Variants in SMOC1 observed in about 807,000 individuals in gnomAD.
SMOC1 encodes SPARC-related modular calcium-binding protein 1.
Under a neutral mutation model 56.3 loss-of-function variants are expected in SMOC1, and 22 were observed. The ratio of observed to expected loss-of-function variants is 0.39; its 90% CI spans 0.28 to 0.56. The LOEUF (loss-of-function observed/expected upper bound fraction) is 0.56, where lower values mean the gene tolerates loss of function less well. SMOC1 is among the 20% of genes least tolerant of loss of function. SMOC1 has a pLI of 0.61. For synonymous variants in SMOC1, 193 were observed against 215.0 expected (o/e 0.90, Z 0.89); for missense variants, 509 against 565.4 (o/e 0.90, Z 1.01).
At chr14:69,943,781 C>T (rs12589490) in intron 1 of SMOC1, among the ~76,000 whole-genome samples, 1 of 152,206 alleles carries the variant, frequency 6.6e-6, no homozygotes, top group Non-Finnish European at 1.5e-5. Context: ...AGAAAAACAT[C>T]CCCTCTCTTG....
chr14:69,905,039 G>C (rs967099010), intron 1 of SMOC1, among the ~76,000 whole-genome samples: 3 of 152,168 alleles, frequency 2.0e-5, no homozygotes, highest in African/African-American at 7.2e-5. Context: ...TTTTCTGATA[G>C]CATTCCTTTC....
chr14:69,972,637 C>T (rs1377285126), intron 3 of SMOC1, among the ~76,000 whole-genome samples: 3 of 152,052 alleles, frequency 2.0e-5, no homozygotes, highest in Non-Finnish European at 4.4e-5. Flanking sequence ...GCCTCTGGGC[C>T]AGCCGGGAGC....
chr14:70,023,990 G>A (rs116685058), intron 11 of SMOC1, among the ~76,000 whole-genome samples: 298 of 152,250 alleles, frequency 2.0e-3, no homozygotes, highest in Middle Eastern at 6.8e-3. Context: ...CAACCAGATG[G>A]AGTAGACATG....
At chr14:70,017,490 C>T (rs917826225) in intron 10 of SMOC1, among the ~76,000 whole-genome samples, 5 of 152,176 alleles carry the variant, frequency 3.3e-5, no homozygotes, top group African/African-American at 9.7e-5. Flanking sequence ...TTAAGGAAGC[C>T]GCATCTGATC....
intron 10 of SMOC1, among the ~76,000 whole-genome samples, chr14:70,014,881 C>T (rs909958958): frequency 2.6e-5 from 4 of 152,234 alleles, no homozygotes; most frequent in African/African-American, 9.6e-5. Flanking sequence ...CCCAGCATAG[C>T]TCCCTCAGTG....
intron 1 of SMOC1, among the ~76,000 whole-genome samples, chr14:69,937,976 A>C (rs2139408303): frequency 6.6e-6 from 1 of 152,284 alleles, no homozygotes; most frequent in East Asian, 1.9e-4. Flanking sequence ...GCTCAGCTTC[A>C]TTCCCAGGGC....
At chr14:69,999,993 C>G (rs1884907683) in intron 7 of SMOC1, among the ~76,000 whole-genome samples, 1 of 152,150 alleles carries the variant, frequency 6.6e-6, no homozygotes, top group Non-Finnish European at 1.5e-5. Flanking sequence ...GATAGCAAAA[C>G]TACGTGCCCT....
rs76125835 is a variant in SMOC1, at chr14:69,961,927, A to G, written c.378+8395A>G. ...TCCTTGTCAACACTTGTTATTTTCCATCTTTCTTATTAGTATCTTTTCTAG... is the reference window on the plus strand; with the variant it reads ...TCCTTGTCAACACTTGTTATTTTCCGTCTTTCTTATTAGTATCTTTTCTAG... On this transcript the variant is annotated intron_variant, in intron 3 of 11. Coordinates refer to ENST00000361956, the MANE Select transcript of SMOC1 (RefSeq NM_001034852.3). Among the ~76,000 whole-genome samples the G allele has an allele frequency of 2.6e-3, 399 of 152,188 alleles. 2 individuals are homozygous for G. The highest frequency in any genetic ancestry group is 7.6e-3 in the African/African-American group (314 of 41,520).
At chr14:69,925,578 C>T (rs1314948887) in intron 1 of SMOC1, among the ~76,000 whole-genome samples, 3 of 152,146 alleles carry the variant, frequency 2.0e-5, no homozygotes, top group Non-Finnish European at 4.4e-5. Flanking sequence ...GTCCCGATCC[C>T]CTTAAATGTA....
At chr14:70,011,457 AACC>A (rs752619998) in intron 8 of SMOC1, 25 bp from the exon 9 acceptor site, 5 of 448,412 alleles carry the variant, frequency 1.1e-5, no homozygotes, top group Non-Finnish European at 1.7e-5. Context: ...AGCCCCTCCC[AACC>A]CCCCCCATAT....
In SMOC1 at chr14:70,013,456, G is replaced by T. The variant is rs1885405693; in HGVS notation, c.1011G>T (p.Gln337His). The T allele has an allele frequency of 3.1e-6, 5 of 1,614,104 alleles. No homozygotes were observed. Among genetic ancestry groups the T allele is most frequent in the Non-Finnish European group, 4.2e-6 (5 of 1,180,054 alleles). The change falls in exon 10 of 12, where the codon CAG becomes CAT. Residue 337 changes from glutamine to histidine, a missense_variant. By Grantham distance (24) the Gln-to-His change is conservative. This residue lies in a region of SMOC1 where 176 missense variants were observed against 188.1 expected (regional missense o/e 0.94). Transcript: ENST00000361956. ...ATGCTCTCACCACTGACATGGTTCA[G>T]GCCATTAACTCAGCAGCGCCCACTG... ...LLDALTTDMVQAINSAAPTGG... is the reference protein window; with the variant it reads ...LLDALTTDMVHAINSAAPTGG...
intron 1 of SMOC1, among the ~76,000 whole-genome samples, chr14:69,937,760 G>A (rs1429655109): frequency 1.3e-5 from 2 of 152,170 alleles, no homozygotes; most frequent in African/African-American, 4.8e-5. Context: ...TTGAGGGTAT[G>A]CACACATGCA....
Position 70,011,593 on chromosome 14 carries a change from C to A in SMOC1, c.940+26C>A. ...GTGGGAGACGATGCTGCCCTGCCGG[C>A]GCCATCACCTCCTTCTGTTCCTCCA... On this transcript the variant is annotated intron_variant, in intron 9 of 11. Coordinates refer to ENST00000361956, the MANE Select transcript of SMOC1 (RefSeq NM_001034852.3). 3 of 1,599,990 alleles carry A rather than the reference C, an allele frequency of 1.9e-6. No individual in the cohort carries two copies. The South Asian group carries it at 3.3e-5, about 18-fold the overall frequency.
rs575429387 is a variant in SMOC1, at chr14:69,945,906, C to T, written c.100-6232C>T. On this transcript the variant is annotated intron_variant, in intron 1 of 11. Transcript: ENST00000361956. ...CTTCTCTACACCCAGGAAAAATATA[C>T]GAGTATGCATATTACCAGAAAAATA... Among the ~76,000 whole-genome samples the T allele has an allele frequency of 1.5e-4, 23 of 152,240 alleles. No individual in the cohort carries two copies. The South Asian group carries it at 3.3e-3, about 22-fold the overall frequency.
At chr14:69,898,506 G>A (rs1030117770) in intron 1 of SMOC1, among the ~76,000 whole-genome samples, 1 of 149,348 alleles carries the variant, frequency 6.7e-6, no homozygotes, top group African/African-American at 2.5e-5. Flanking sequence ...TTTCAGTTTT[G>A]GAAGTTTCTA....
intron 1 of SMOC1, among the ~76,000 whole-genome samples, chr14:69,883,750 A>G (rs10138095): frequency 0.27 from 40,580 of 152,002 alleles, 5,594 homozygotes; most frequent in South Asian, 0.34. Context: ...CACCAACAGT[A>G]TGTGAGAACT....
At chr14:69,973,012 C>T (rs999130077) in intron 3 of SMOC1, among the ~76,000 whole-genome samples, 5 of 152,286 alleles carry the variant, frequency 3.3e-5, no homozygotes, top group East Asian at 1.9e-4. Flanking sequence ...AGTGAGTCAG[C>T]GTGGCCATTC....
At chr14:69,982,209 C>T (rs1311219734) in intron 5 of SMOC1, among the ~76,000 whole-genome samples, 1 of 152,158 alleles carries the variant, frequency 6.6e-6, no homozygotes, top group Non-Finnish European at 1.5e-5. Context: ...AATAAAAATA[C>T]TAATATACTC....
chr14:69,880,976 A>C (rs1426973903), intron 1 of SMOC1, among the ~76,000 whole-genome samples: 2 of 152,254 alleles, frequency 1.3e-5, no homozygotes, highest in East Asian at 3.8e-4. Context: ...CCCAGGTATC[A>C]CTGTGAGATC....
Sources: gnomAD v4.1 joint callset for allele counts (sites outside exome capture counted in the v4.1 genomes callset) on GRCh38, gnomAD v4.1.1 for gene constraint, gnomAD v4.1.1 regional missense constraint, MANE v1.5 for transcripts, NCBI Gene and HGNC (gene_info 2026-07-23, HGNC 2026-07-21) for gene names.